UPP2: variants seen among roughly 807,000 people sequenced by gnomAD.
UPP2 encodes the protein UPase 2.
Under a neutral mutation model 26.7 loss-of-function variants are expected in UPP2, and 23 were observed. The observed-to-expected ratio is 0.86, with a 90% confidence interval of 0.62 to 1.22. UPP2 has a LOEUF of 1.22. Among genes scored for constraint, UPP2 ranks in the 50% most tolerant of loss-of-function variants. The pLI is 0.00. For synonymous variants in UPP2, 127 were observed against 141.3 expected (o/e 0.90, Z 0.72); for missense variants, 387 against 396.7 (o/e 0.98, Z 0.21).
chr2:158,037,908 T>C (rs1684028647), intron 3 of UPP2, among the ~76,000 whole-genome samples: 2 of 152,138 alleles, frequency 1.3e-5, no homozygotes, highest in South Asian at 4.1e-4. Context: ...TCCCATCAAA[T>C]AGTGAATGTT....
chr2:158,109,637 A>G (rs747721502), intron 2 of UPP2, among the ~76,000 whole-genome samples: 16 of 152,302 alleles, frequency 1.1e-4, no homozygotes, highest in Non-Finnish European at 2.1e-4. Context: ...TTCTGCTCAA[A>G]TTCTAGTCAC....
intron 3 of UPP2, among the ~76,000 whole-genome samples, chr2:158,093,271 TACACACACACACACAC>T (rs57028617): frequency 7.3e-6 from 1 of 137,418 alleles, no homozygotes; most frequent in Non-Finnish European, 1.6e-5. Flanking sequence ...AAAAGAAACA[TACACACACACACACAC>T]ACACACACAC....
intron 3 of UPP2, among the ~76,000 whole-genome samples, chr2:158,082,284 T>C (rs561922394): frequency 6.6e-6 from 1 of 152,310 alleles, no homozygotes; most frequent in East Asian, 1.9e-4. Flanking sequence ...TGGTGATTTG[T>C]GAGATTTGGG....
At chr2:158,082,651 G>A (rs1170741923) in intron 3 of UPP2, among the ~76,000 whole-genome samples, 6 of 152,116 alleles carry the variant, frequency 3.9e-5, no homozygotes, top group Non-Finnish European at 8.8e-5. Flanking sequence ...GAGCGTAGGC[G>A]AAGATTTCAT....
Position 158,135,027 on chromosome 2 carries a change from T to C in UPP2, c.*137T>C, listed in dbSNP as rs925630467. On this transcript the variant is annotated 3_prime_UTR_variant, in exon 7 of 7. Coordinates refer to ENST00000005756, the MANE Select transcript of UPP2 (RefSeq NM_173355.4). ...ATGGAAAGACTTTATGAAATCCTTC[T>C]CTCTTAAAAAGGAATTTATTGTAAA... The C allele has an allele frequency of 7.4e-6, 8 of 1,083,094 alleles. No homozygotes were observed. In the East Asian group the frequency reaches 2.4e-4, roughly 32 times the overall value. The allele number at this position is 1,083,094 out of a possible 1,614,324, so 67.1% of individuals were successfully genotyped here.
intron 3 of UPP2, among the ~76,000 whole-genome samples, chr2:158,084,207 A>G (rs1682777678): frequency 2.0e-5 from 3 of 152,038 alleles, no homozygotes; most frequent in Admixed American, 1.3e-4. Context: ...CCATTCTTGC[A>G]GGAGTAAGCT....
chr2:158,106,162 C>T lies in UPP2; in HGVS notation c.126C>T (p.His42=), dbSNP rs1029665332. 1 of 1,610,430 alleles carries T rather than the reference C, an allele frequency of 6.2e-7. No individual in the cohort carries two copies. Among genetic ancestry groups the T allele is most frequent in the Admixed American group, 1.7e-5 (1 of 59,332 alleles). ...TGATGGATGAAGACATTCTCTATCA[C>T]TTGGATTTGGGAACAAAAACACACA... The part of the protein sequence containing the change: ...LDLMDEDILY[H]LDLGTKTHNL... Residue 42 remains histidine (H), a synonymous_variant, in exon 2 of 7, where the codon CAC becomes CAT. Transcript: ENST00000005756.
chr2:158,128,614 G>A (rs1173699624), intron 6 of UPP2, among the ~76,000 whole-genome samples: 1 of 152,166 alleles, frequency 6.6e-6, no homozygotes, highest in Non-Finnish European at 1.5e-5. Flanking sequence ...TCTCAGAGCT[G>A]GGAAACAGGT....
At chr2:158,010,676 T>C (rs1276136169) in intron 2 of UPP2, among the ~76,000 whole-genome samples, 2 of 152,142 alleles carry the variant, frequency 1.3e-5, no homozygotes, top group Admixed American at 1.3e-4. Flanking sequence ...TTTGCATTAA[T>C]GTTAAGTGAA....
intron 3 of UPP2, among the ~76,000 whole-genome samples, chr2:158,093,275 C>T (rs564274316): frequency 1.8e-3 from 256 of 144,192 alleles, no homozygotes; most frequent in African/African-American, 3.9e-3. Flanking sequence ...GAAACATACA[C>T]ACACACACAC....
chr2:158,077,531 G>A lies in UPP2; in HGVS notation c.148-24509G>A, dbSNP rs578167559. ...CATTTTCGACAAAGGTGCCAAGAAC[G>A]TACATTGATGACAAGACAGTCTCTT... is the stretch of plus-strand genomic sequence containing the variant. On this transcript the variant is annotated intron_variant, in intron 3 of 9. Coordinates refer to the UPP2 transcript ENST00000605860. Among the ~76,000 whole-genome samples, 217 of 151,680 alleles carry A rather than the reference G, an allele frequency of 1.4e-3. 1 individual carries two copies. Among genetic ancestry groups the A allele is most frequent in the African/African-American group, 4.9e-3 (203 of 41,458 alleles).
chr2:158,074,472 G>C (rs1403245097), intron 3 of UPP2, among the ~76,000 whole-genome samples: 2 of 151,968 alleles, frequency 1.3e-5, no homozygotes, highest in African/African-American at 4.8e-5. Context: ...TTTGTTGCTT[G>C]TTTATTTGTT....
Position 158,008,351 on chromosome 2 carries a change from T to G in UPP2, c.62-7450T>G, listed in dbSNP as rs529375847. On this transcript the variant is annotated intron_variant, in intron 2 of 9. Transcript: ENST00000605860. The stretch of plus-strand genomic sequence containing the variant: ...TTACCTTTTGGAATGCTGAATTATT[T>G]ACTGTATTTGATTATTTTGTGTTGC... Among the ~76,000 whole-genome samples the G allele has an allele frequency of 2.0e-5, 3 of 152,330 alleles. No individual in the cohort carries two copies. In the South Asian group the frequency reaches 6.2e-4, roughly 32 times the overall value.
chr2:158,019,413 T>C lies in UPP2; in HGVS notation c.147+3527T>C, dbSNP rs548352833. Among the ~76,000 whole-genome samples the C allele has an allele frequency of 1.1e-3, 173 of 152,142 alleles. 1 individual carries two copies. The highest frequency in any genetic ancestry group is 6.8e-3 in the Middle Eastern group (2 of 294). ...TATAGGCGCAGAAGACCTTGTGGGTTGGGGTGGGGAAAATGTTCAGAAGCC... is the reference window on the plus strand; with the variant it reads ...TATAGGCGCAGAAGACCTTGTGGGTCGGGGTGGGGAAAATGTTCAGAAGCC... On this transcript the variant is annotated intron_variant, in intron 3 of 9. Transcript: ENST00000605860.
intron 3 of UPP2, among the ~76,000 whole-genome samples, chr2:158,115,934 C>T (rs1483600384): frequency 1.3e-5 from 2 of 152,192 alleles, no homozygotes; most frequent in Admixed American, 1.3e-4. Context: ...GAAGCCATCA[C>T]ATTTCTGGGC....
intron 2 of UPP2, among the ~76,000 whole-genome samples, chr2:157,997,621 G>A (rs899995802): frequency 6.6e-6 from 1 of 152,148 alleles, no homozygotes; most frequent in Non-Finnish European, 1.5e-5. Flanking sequence ...TTCAAAGCAT[G>A]TACCACATCC....
At chr2:158,105,902 A>T (rs36024954) in intron 1 of UPP2, among the ~76,000 whole-genome samples, 197 bp from the exon 2 acceptor site, 1 of 152,190 alleles carries the variant, frequency 6.6e-6, no homozygotes, top group Non-Finnish European at 1.5e-5. Context: ...TGTTATATGC[A>T]GTTTTCTTGC....
At chr2:158,032,175 T>C (rs954584104) in intron 3 of UPP2, among the ~76,000 whole-genome samples, 6 of 152,158 alleles carry the variant, frequency 3.9e-5, no homozygotes, top group East Asian at 1.9e-4. Context: ...TAATGCAGCA[T>C]TGGGAGCAGA....
intron 4 of UPP2, among the ~76,000 whole-genome samples, chr2:158,118,807 C>T (rs1253108411): frequency 6.6e-6 from 1 of 151,984 alleles, no homozygotes; most frequent in African/African-American, 2.4e-5. Flanking sequence ...AATCCTCACA[C>T]AAGTAGGTGG....
Sources: gnomAD v4.1 joint callset for allele counts (sites outside exome capture counted in the v4.1 genomes callset) on GRCh38, gnomAD v4.1.1 for gene constraint, MANE v1.5 for transcripts, NCBI Gene and HGNC (gene_info 2026-07-23, HGNC 2026-07-21) for gene names.